Variants in CHST12 observed in about 807,000 individuals in gnomAD.
CHST12 encodes the protein carbohydrate sulfotransferase 12.
Under a neutral mutation model 27.9 loss-of-function variants are expected in CHST12, and 23 were observed. The observed-to-expected ratio is 0.82, with a 90% CI of 0.59 to 1.17. The LOEUF is 1.17. CHST12 is among the 50% of genes most tolerant of loss of function. The pLI is 0.00. For synonymous variants in CHST12, 322 were observed against 273.0 expected, an observed-to-expected ratio of 1.18 and a Z score of -1.77; for missense variants, 682 against 603.0, an observed-to-expected ratio of 1.13 and a Z score of -1.37.
chr7:2,408,144 C>T (rs944539372), intron 1 of CHST12, among the ~76,000 whole-genome samples: 7 of 151,310 alleles, frequency 4.6e-5, no homozygotes, highest in East Asian at 3.9e-4. Context: ...CCGAGGTGGA[C>T]GGATCACTTG....
Position 2,432,912 on chromosome 7 carries a change from G to A in CHST12, c.273G>A (p.Pro91=), listed in dbSNP as rs760890293. The change falls in exon 2 of 2, where the codon CCG becomes CCA. Residue 91 remains proline, a synonymous_variant. Transcript: ENST00000618655. Reference sequence around the variant, plus strand: ...TTCCCAGAAAGGAGACGGAGCAGCCGCCTGCGCCGGGGAGCATGGAGGAGA... The same window carrying A: ...TTCCCAGAAAGGAGACGGAGCAGCCACCTGCGCCGGGGAGCATGGAGGAGA... The part of the protein sequence containing the change: ...SDLPRKETEQ[P]PAPGSMEESV... 11 of 1,613,106 alleles carry A rather than the reference G, an allele frequency of 6.8e-6. No homozygotes were observed. In the South Asian group the frequency reaches 9.9e-5, roughly 14 times the overall value.
rs372970583 is a variant in CHST12 at position 2,427,039 on chromosome 7, CAGTTTA to C, written c.-77-5521_-77-5516del. Among the ~76,000 whole-genome samples the C allele has an allele frequency of 4.0e-3, 582 of 145,798 alleles. 2 individuals are homozygous for C. Among genetic ancestry groups the C allele is most frequent in the Admixed American group, 8.7e-3 (125 of 14,310 alleles). ...AGAGACATATAAATGAAAAAGTACT[CAGTTTA>C]AGAAATTTGTAGCACTTTGCAAGGC... is the stretch of plus-strand genomic sequence containing the variant. On this transcript the variant is annotated intron_variant, in intron 1 of 1. Transcript: ENST00000618655.
rs1019887524 is a variant in CHST12, at chr7:2,436,344, C to A, written c.*2460C>A. 1.3e-5 allele frequency: 2 copies of A among 152,216 alleles called. No individual in the cohort carries two copies. The highest frequency in any genetic ancestry group is 2.9e-5 in the Non-Finnish European group (2 of 68,060). 9.4% of individuals were successfully genotyped at this position (152,216 alleles called of 1,614,324 possible). On this transcript the variant is annotated 3_prime_UTR_variant, in exon 2 of 2. Transcript: ENST00000618655. ...CTCTCTGATTTCTACTACCCGAGCTCCCTCAGAAATGGAGTCACACAGTAT... is the reference window on the plus strand; with the variant it reads ...CTCTCTGATTTCTACTACCCGAGCTACCTCAGAAATGGAGTCACACAGTAT...
At chr7:2,430,993 A>G (rs540370652) in intron 1 of CHST12, among the ~76,000 whole-genome samples, 8 of 151,754 alleles carry the variant, frequency 5.3e-5, no homozygotes, top group Non-Finnish European at 1.0e-4. Flanking sequence ...TGTTCTGCAT[A>G]TGTCGGTTAT....
chr7:2,444,969 A>T lies in CHST12; in HGVS notation c.*11085A>T, dbSNP rs755986545. On this transcript the variant is annotated 3_prime_UTR_variant, in exon 2 of 2. Transcript: ENST00000618655. ...GGATGAAATGGTTTTTGCCATTTCAATTGGTTCTCTTCCAACGTGTCTTCC... is the reference window on the plus strand; with the variant it reads ...GGATGAAATGGTTTTTGCCATTTCATTTGGTTCTCTTCCAACGTGTCTTCC... The T allele has an allele frequency of 6.6e-6, 1 of 152,188 alleles. No homozygotes were observed. Among genetic ancestry groups the T allele is most frequent in the Non-Finnish European group, 1.5e-5 (1 of 68,036 alleles). The allele number at this position is 152,188 out of a possible 1,614,324, so 9.4% of individuals were successfully genotyped here. A position where few individuals can be genotyped will look rare whatever the true frequency, so the allele number is the denominator to read the frequency against.
rs1583228985 is a variant in CHST12, at chr7:2,433,983, A to G, written c.*99A>G. The G allele has an allele frequency of 1.1e-6, 1 of 923,066 alleles. No individual in the cohort carries two copies. 57.2% of individuals were successfully genotyped at this position (923,066 alleles called of 1,614,324 possible). A position where few individuals can be genotyped will look rare whatever the true frequency, so the allele number is the denominator to read the frequency against. On this transcript the variant is annotated 3_prime_UTR_variant, in exon 2 of 2. Coordinates refer to ENST00000618655, the MANE Select transcript of CHST12 (RefSeq NM_018641.5). The surrounding 1 kb of genome is among the most constrained non-coding windows in gnomAD (Gnocchi z 6.1). Reference sequence around the variant, plus strand: ...ATTTTGCAATCTGGGCTTCTTGTTCACTCCACTGCCTCTATCCATTGAGTA... The same window carrying G: ...ATTTTGCAATCTGGGCTTCTTGTTCGCTCCACTGCCTCTATCCATTGAGTA...
chr7:2,438,237 T>G lies in CHST12; in HGVS notation c.*4353T>G, dbSNP rs765068496. 6.6e-6 allele frequency: 1 copy of G among 152,284 alleles called. No homozygotes were observed. The highest frequency in any genetic ancestry group is 2.4e-5 in the African/African-American group (1 of 41,446). The allele number at this position is 152,284 out of a possible 1,614,324, so 9.4% of individuals were successfully genotyped here. On this transcript the variant is annotated 3_prime_UTR_variant, in exon 2 of 2. Transcript: ENST00000618655. Reference sequence around the variant, plus strand: ...TCCTGAATGTGTTGGTTCGGCATGGTGACAGGTGTTTCCCTGCGGCAGAAT... The same window carrying G: ...TCCTGAATGTGTTGGTTCGGCATGGGGACAGGTGTTTCCCTGCGGCAGAAT...
intron 1 of CHST12, among the ~76,000 whole-genome samples, chr7:2,420,776 C>T (rs1447671023): frequency 6.6e-6 from 1 of 152,142 alleles, no homozygotes; most frequent in African/African-American, 2.4e-5. Context: ...CACAGTGAGA[C>T]CCTGTCTCAG....
intron 1 of CHST12, among the ~76,000 whole-genome samples, chr7:2,405,424 A>T (rs953289740): frequency 2.0e-5 from 3 of 152,322 alleles, no homozygotes; most frequent in African/African-American, 7.2e-5. Flanking sequence ...AGCCTGGGCA[A>T]CAGAGTAAAA....
intron 1 of CHST12, among the ~76,000 whole-genome samples, chr7:2,415,958 T>G (rs1273329369): frequency 6.6e-6 from 1 of 152,204 alleles, no homozygotes; most frequent in African/African-American, 2.4e-5. Flanking sequence ...ATTTATTGAC[T>G]CTTACTTTTA....
intron 1 of CHST12, among the ~76,000 whole-genome samples, chr7:2,407,521 A>G (rs1172197600): frequency 6.6e-6 from 1 of 152,220 alleles, no homozygotes; most frequent in African/African-American, 2.4e-5. Flanking sequence ...GAAATTCACA[A>G]AATAATTTCC....
intron 1 of CHST12, among the ~76,000 whole-genome samples, chr7:2,429,011 G>A (rs1351467128): frequency 1.3e-5 from 2 of 152,160 alleles, no homozygotes; most frequent in Admixed American, 6.6e-5. Flanking sequence ...CACAAGGGTC[G>A]CATTCCATTC....
intron 1 of CHST12, among the ~76,000 whole-genome samples, chr7:2,404,874 C>G (rs1454039549): frequency 6.6e-6 from 1 of 152,216 alleles, no homozygotes; most frequent in Non-Finnish European, 1.5e-5. Flanking sequence ...CAATCGAGTG[C>G]AAGATGCTAA....
rs1782467382 is a variant in CHST12 at position 2,436,122 on chromosome 7, T to A, written c.*2238T>A. On this transcript the variant is annotated 3_prime_UTR_variant, in exon 2 of 2. Transcript: ENST00000618655. ...AGCCATCACACCTGGCCCCTCCAAG[T>A]TTTTTATTATGATAAAAATGTTTAA... 6.6e-6 allele frequency: 1 copy of A among 152,232 alleles called. No homozygotes were observed. The highest frequency in any genetic ancestry group is 2.1e-4 in the South Asian group (1 of 4,828). The allele number at this position is 152,232 out of a possible 1,614,324, so 9.4% of individuals were successfully genotyped here.
At chr7:2,427,209 A>G (rs1282212778) in intron 1 of CHST12, among the ~76,000 whole-genome samples, 2 of 152,018 alleles carry the variant, frequency 1.3e-5, no homozygotes, top group African/African-American at 4.8e-5. Flanking sequence ...AGAGAGAGAG[A>G]GACATACAAA....
chr7:2,419,593 G>C (rs1053556731), intron 1 of CHST12, among the ~76,000 whole-genome samples: 4 of 151,700 alleles, frequency 2.6e-5, no homozygotes, highest in East Asian at 1.9e-4. Flanking sequence ...TGTAATCCCA[G>C]CTACTTAGGA....
At position 2,433,417 on chromosome 7, in the gene CHST12, G is replaced by T; in HGVS notation, c.778G>T (p.Glu260Ter). The change falls in exon 2 of 2, where the codon GAG becomes TAG. Residue 260 changes from glutamate (E) to a stop codon, truncating the protein, a stop_gained. Transcript: ENST00000618655. LOFTEE classifies it high-confidence loss of function. This position sits in a 1 kb window ranked among gnomAD's most constrained non-coding sequence, Gnocchi z 6.1. ...RLISAFRSKF[E>*]LENEEFYRKF... Reference sequence around the variant, plus strand: ...GATCTCCGCCTTCCGCAGCAAGTTCGAGCTGGAGAACGAGGAGTTCTACCG... The same window carrying T: ...GATCTCCGCCTTCCGCAGCAAGTTCTAGCTGGAGAACGAGGAGTTCTACCG... 1.2e-6 allele frequency: 2 copies of T among 1,609,578 alleles called. No homozygotes were observed. Among genetic ancestry groups the T allele is most frequent in the Non-Finnish European group, 8.5e-7 (1 of 1,179,908 alleles).
chr7:2,419,473 A>C (rs1781906488), intron 1 of CHST12, among the ~76,000 whole-genome samples: 1 of 149,062 alleles, frequency 6.7e-6, no homozygotes, highest in Admixed American at 6.7e-5. Flanking sequence ...TTGAGAGGCC[A>C]AGGCAGGTGG....
At chr7:2,424,941 C>T (rs1782070573) in intron 1 of CHST12, among the ~76,000 whole-genome samples, 1 of 152,160 alleles carries the variant, frequency 6.6e-6, no homozygotes, top group African/African-American at 2.4e-5. Flanking sequence ...CGTGGTGGCT[C>T]ACGCCTGTAA....
Sources: allele counts gnomAD v4.1 joint callset (sites outside exome capture counted in the v4.1 genomes callset), GRCh38; gene constraint gnomAD v4.1.1; non-coding constraint Gnocchi (gnomAD v3.1); transcripts MANE v1.5; gene names NCBI Gene and HGNC (gene_info 2026-07-23, HGNC 2026-07-21).